Variants in FURIN observed in about 807,000 individuals in gnomAD.
The protein encoded by FURIN is FES upstream region.
In FURIN, 18 loss-of-function variants were observed where a neutral mutation model predicts 89.2. The ratio of observed to expected loss-of-function variants is 0.20; its 90% CI spans 0.14 to 0.30. The LOEUF (loss-of-function observed/expected upper bound fraction) is 0.30. FURIN is among the 10% of genes least tolerant of loss of function. The probability of loss-of-function intolerance (pLI) is 1.00; values close to 1 mark genes in which losing one functional copy is unlikely to be tolerated. For synonymous variants in FURIN, 508 were observed against 466.4 expected (o/e 1.09, Z -1.15); for missense variants, 879 against 1,100.5 (o/e 0.80, Z 2.85).
At position 90,876,863 on chromosome 15, in the gene FURIN, G is replaced by A. The variant is rs1405567108; in HGVS notation, c.373-33G>A. ...CTCCTAGCCTCACAAAACCAATCAT[G>A]TCTCATAAGTGATGGGGTGGGTGTC... is the stretch of plus-strand genomic sequence containing the variant. On this transcript the variant is annotated intron_variant, in intron 4 of 15. Coordinates refer to ENST00000268171, the MANE Select transcript of FURIN (RefSeq NM_002569.4). The surrounding 1 kb of genome is among the most constrained non-coding windows in gnomAD (Gnocchi z 5.0). 6.2e-7 allele frequency: 1 copy of A among 1,611,168 alleles called. No homozygotes were observed. The highest frequency in any genetic ancestry group is 8.5e-7 in the Non-Finnish European group (1 of 1,177,706).
chr15:90,875,778 C>T lies in FURIN; in HGVS notation c.38C>T (p.Ala13Val). The change falls in exon 2 of 16, where the codon GCA (alanine) becomes GTA (valine). Residue 13 changes from alanine to valine, a missense_variant. Ala to Val is a moderately conservative substitution (Grantham distance 64, BLOSUM62 0). Coordinates refer to ENST00000268171, the MANE Select transcript of FURIN (RefSeq NM_002569.4). Reference protein sequence around the residue: ...LRPWLLWVVAATGTLVLLAAD... With the variant: ...LRPWLLWVVAVTGTLVLLAAD... The stretch of plus-strand genomic sequence containing the variant: ...CCCTGGTTGCTATGGGTGGTAGCAG[C>T]AACAGGAACCTTGGTCCTGCTAGCA... 6.4e-7 allele frequency: 1 copy of T among 1,556,106 alleles called. No individual in the cohort carries two copies. The highest frequency in any genetic ancestry group is 2.0e-5 in the Admixed American group (1 of 51,222).
chr15:90,877,341 G>A, intron 6 of FURIN, 130 bp downstream of exon 6: 1 of 955,276 alleles, frequency 1.0e-6, no homozygotes. Flanking sequence ...CCCACCTGGG[G>A]CTCTGAGGGA....
At position 90,876,464 on chromosome 15, in the gene FURIN, A is replaced by G. The variant is rs1432770237; in HGVS notation, c.279A>G (p.Val93=). The change falls in exon 4 of 16, where the codon GTA becomes GTG. Residue 93 remains valine, a splice_region_variant and synonymous_variant. Transcript: ENST00000268171. The surrounding 1 kb of genome is among the most constrained non-coding windows in gnomAD (Gnocchi z 5.0). ...ATCTCTCCCTCACTCCCCCACAGGTACAGTGGCTGGAACAGCAGGTGGCAA... is the reference window on the plus strand; with the variant it reads ...ATCTCTCCCTCACTCCCCCACAGGTGCAGTGGCTGGAACAGCAGGTGGCAA... ...RHSRLQREPQ[V]QWLEQQVAKR... is the part of the protein sequence containing the mutation. 1.2e-6 allele frequency: 2 copies of G among 1,610,062 alleles called. No individual in the cohort carries two copies. The highest frequency in any genetic ancestry group is 1.3e-5 in the African/African-American group (1 of 74,772).
In FURIN at chr15:90,876,518, G is replaced by A; in HGVS notation, c.333G>A (p.Gln111=). The A allele has an allele frequency of 6.2e-7, 1 of 1,614,012 alleles. No individual in the cohort carries two copies. Among genetic ancestry groups the A allele is most frequent in the African/African-American group, 1.3e-5 (1 of 75,038 alleles). Residue 111 remains glutamine (Q), a synonymous_variant, in exon 4 of 16, where the codon CAG becomes CAA. Coordinates refer to ENST00000268171, the MANE Select transcript of FURIN (RefSeq NM_002569.4). The surrounding 1 kb of genome is among the most constrained non-coding windows in gnomAD (Gnocchi z 5.0). Reference sequence around the variant, plus strand: ...GACGGACTAAACGGGACGTGTACCAGGAGCCCACAGACCCCAAGTTTCCTC... The same window carrying A: ...GACGGACTAAACGGGACGTGTACCAAGAGCCCACAGACCCCAAGTTTCCTC... ...AKRRTKRDVY[Q]EPTDPKFPQQ...
Position 90,876,567 on chromosome 15 carries a change from CT to C in FURIN, c.372+12del. 1.3e-6 allele frequency: 2 copies of C among 1,565,024 alleles called. No individual in the cohort carries two copies. Among genetic ancestry groups the C allele is most frequent in the Non-Finnish European group, 1.8e-6 (2 of 1,135,454 alleles). ...TCAGCAGTGGTACCTGGTACGTGGC[CT>C]TCTTCGCTGCTGGGACCTCCTCCCC... On this transcript the variant is annotated intron_variant, in intron 4 of 15. Coordinates refer to ENST00000268171, the MANE Select transcript of FURIN (RefSeq NM_002569.4). This position sits in a 1 kb window ranked among gnomAD's most constrained non-coding sequence, Gnocchi z 5.0.
At chr15:90,875,385 G>T (rs906100329) in intron 1 of FURIN, among the ~76,000 whole-genome samples, 197 bp from the exon 2 acceptor site, 1 of 152,154 alleles carries the variant, frequency 6.6e-6, no homozygotes, top group African/African-American at 2.4e-5. Context: ...GGGGGGGATT[G>T]TGAGGGCATC....
intron 1 of FURIN, among the ~76,000 whole-genome samples, chr15:90,872,181 G>C (rs892868291): frequency 6.6e-6 from 1 of 151,610 alleles, no homozygotes; most frequent in South Asian, 2.1e-4. Context: ...CACCTGTGCG[G>C]CCAGGACTCG....
At position 90,878,329 on chromosome 15, in the gene FURIN, C is replaced by T. The variant is rs376733777; in HGVS notation, c.840+25C>T. ...GGTGAGGTGGGGATCTGTCCAGCCC[C>T]TGCGGGCAGGTTGGGTGCTGTCTTC... On this transcript the variant is annotated intron_variant, in intron 8 of 15. Transcript: ENST00000268171. 9.8e-4 allele frequency: 1,515 copies of T among 1,545,366 alleles called. 9 individuals are homozygous for T. The highest frequency in any genetic ancestry group is 8.1e-3 in the South Asian group (662 of 81,762).
chr15:90,877,715 T>C, intron 7 of FURIN, 100 bp downstream of exon 7: 1 of 795,002 alleles, frequency 1.3e-6, no homozygotes, highest in South Asian at 1.8e-5. Context: ...TTTCCCACTG[T>C]GGATCCTTTG....
At position 90,879,859 on chromosome 15, in the gene FURIN, C is replaced by A. The variant is rs1208182915; in HGVS notation, c.1259-8C>A. The A allele has an allele frequency of 1.2e-6, 2 of 1,611,786 alleles. No individual in the cohort carries two copies. The highest frequency in any genetic ancestry group is 1.1e-5 in the South Asian group (1 of 91,056). On this transcript the variant is annotated splice_region_variant and splice_polypyrimidine_tract_variant and intron_variant, in intron 11 of 15. Transcript: ENST00000268171. ...TGACAGCTGACCCTACCTTCCCTGT[C>A]CCCACAGTGAGCCACTCATATGGCT...
Position 90,878,991 on chromosome 15 carries a change from G to C in FURIN, c.1053+15G>C, listed in dbSNP as rs779701983. The C allele has an allele frequency of 1.3e-6, 2 of 1,514,280 alleles. No individual in the cohort carries two copies. Among genetic ancestry groups the C allele is most frequent in the African/African-American group, 2.8e-5 (2 of 72,536 alleles). 93.8% of individuals were successfully genotyped at this position (1,514,280 alleles called of 1,614,324 possible). A position where few individuals can be genotyped will look rare whatever the true frequency, so the allele number is the denominator to read the frequency against. ...AGAAGCAGATCGTGAGTCTTACCTGGGGGTGGGGGCTGGGGAGATGGGGCT... is the reference window on the plus strand; with the variant it reads ...AGAAGCAGATCGTGAGTCTTACCTGCGGGTGGGGGCTGGGGAGATGGGGCT... On this transcript the variant is annotated intron_variant, in intron 9 of 15. Coordinates refer to ENST00000268171, the MANE Select transcript of FURIN (RefSeq NM_002569.4).
intron 1 of FURIN, among the ~76,000 whole-genome samples, chr15:90,874,548 G>A (rs1459656078): frequency 6.6e-6 from 1 of 152,228 alleles, no homozygotes; most frequent in East Asian, 1.9e-4. Context: ...TCAGGACATG[G>A]CCCCTAAAAG....
In FURIN at chr15:90,880,101, G is replaced by A. The variant is rs768826404; in HGVS notation, c.1384G>A (p.Gly462Arg). 34 of 1,604,584 alleles carry A rather than the reference G, an allele frequency of 2.1e-5. No individual in the cohort carries two copies. The South Asian group carries it at 2.2e-4, about 10-fold the overall frequency. Reference protein sequence around the residue: ...IDILTEPKDIGKRLEVRKTVT... With the variant: ...IDILTEPKDIRKRLEVRKTVT... The stretch of plus-strand genomic sequence containing the variant: ...TGGTGCTCTCCTGCACAGAGACATC[G>A]GGAAACGGCTCGAGGTGCGGAAGAC... The change falls in exon 13 of 16, where the codon GGG becomes AGG. Residue 462 changes from glycine (G) to arginine (R), a missense_variant. Physicochemically the swap from Gly to Arg is moderately radical, Grantham distance 125. This residue lies in a region of FURIN where 457 missense variants were observed against 490.7 expected (regional missense o/e 0.93). Transcript: ENST00000268171.
At position 90,881,918 on chromosome 15, in the gene FURIN, G is replaced by T; in HGVS notation, c.*40G>T. ...ACCCCCTCAAGCCAATCCCCTCCTT[G>T]GGCACTTTTTAATTCACCAAAGTAT... On this transcript the variant is annotated 3_prime_UTR_variant, in exon 16 of 16. Transcript: ENST00000268171. This position sits in a 1 kb window ranked among gnomAD's most constrained non-coding sequence, Gnocchi z 4.3. 1 of 1,393,156 alleles carries T rather than the reference G, an allele frequency of 7.2e-7. No homozygotes were observed. Among genetic ancestry groups the T allele is most frequent in the South Asian group, 1.2e-5 (1 of 81,216 alleles). 86.3% of individuals were successfully genotyped at this position (1,393,156 alleles called of 1,614,324 possible).
chr15:90,878,287 T>G lies in FURIN; in HGVS notation c.823T>G (p.Phe275Val), dbSNP rs563066377. 4.4e-6 allele frequency: 7 copies of G among 1,599,602 alleles called. No individual in the cohort carries two copies. The South Asian group carries it at 5.6e-5, about 13-fold the overall frequency. Residue 275 changes from phenylalanine to valine, a missense_variant, in exon 8 of 16, where the codon TTC (phenylalanine) becomes GTC (valine). Physicochemically the swap from Phe to Val is conservative, Grantham distance 50. Transcript: ENST00000268171. ...AGCCCGCCTCGCCGAGGAGGCCTTC[T>G]TCCGTGGGGTTAGCCAGGTGAGGTG... ...GPARLAEEAF[F>V]RGVSQGRGGL...
rs1377072879 is a variant in FURIN at position 90,881,517 on chromosome 15, G to C, written c.2024G>C (p.Cys675Ser). Reference sequence around the variant, plus strand: ...TCCTTGGACCCTGTGGAGCAGACTTGCTCCCGGCAAAGCCAGAGCAGCCGA... The same window carrying C: ...TCCTTGGACCCTGTGGAGCAGACTTCCTCCCGGCAAAGCCAGAGCAGCCGA... ...HASLDPVEQTCSRQSQSSRES... is the reference protein window; with the variant it reads ...HASLDPVEQTSSRQSQSSRES... Residue 675 changes from cysteine (C) to serine (S), a missense_variant, in exon 16 of 16, where the codon TGC becomes TCC. Coordinates refer to ENST00000268171, the MANE Select transcript of FURIN (RefSeq NM_002569.4). The surrounding 1 kb of genome is among the most constrained non-coding windows in gnomAD (Gnocchi z 4.3). 1 of 1,611,742 alleles carries C rather than the reference G, an allele frequency of 6.2e-7. No individual in the cohort carries two copies. The highest frequency in any genetic ancestry group is 1.7e-5 in the Admixed American group (1 of 59,986).
Position 90,881,098 on chromosome 15 carries a change from C to T in FURIN, c.1792+58C>T. On this transcript the variant is annotated intron_variant, in intron 15 of 15. Transcript: ENST00000268171. This position sits in a 1 kb window ranked among gnomAD's most constrained non-coding sequence, Gnocchi z 4.3. ...CTGAGTCTGGGGGTAAGGCGGGTGC[C>T]TGTCCTGAAGCCCAGCTCTAACAGA... 3 of 1,348,972 alleles carry T rather than the reference C, an allele frequency of 2.2e-6. No homozygotes were observed. Among genetic ancestry groups the T allele is most frequent in the South Asian group, 2.3e-5 (2 of 85,674 alleles). 83.6% of individuals were successfully genotyped at this position (1,348,972 alleles called of 1,614,324 possible).
Position 90,876,018 on chromosome 15 carries a change from G to T in FURIN, c.177+101G>T, listed in dbSNP as rs1596075761. ...GCCTTGTTTGCTCAGGGGCATCTGG[G>T]TAGCCGGCATGTTCTGGGTGGCCAT... On this transcript the variant is annotated intron_variant, in intron 2 of 15. Coordinates refer to ENST00000268171, the MANE Select transcript of FURIN (RefSeq NM_002569.4). This position sits in a 1 kb window ranked among gnomAD's most constrained non-coding sequence, Gnocchi z 5.0. 1.0e-5 allele frequency: 11 copies of T among 1,076,326 alleles called. No homozygotes were observed. In the East Asian group the frequency reaches 2.3e-4, roughly 23 times the overall value. The allele number at this position is 1,076,326 out of a possible 1,614,324, so 66.7% of individuals were successfully genotyped here.
intron 1 of FURIN, 113 bp downstream of exon 1, chr15:90,868,824 G>T (rs932341001): frequency 1.3e-5 from 2 of 152,202 alleles, no homozygotes; most frequent in South Asian, 2.1e-4. Context: ...AACAAAGATC[G>T]CAAATGTGAC....
Sources: allele counts gnomAD v4.1 joint callset (sites outside exome capture counted in the v4.1 genomes callset), GRCh38; gene constraint gnomAD v4.1.1; regional missense constraint gnomAD v4.1.1; non-coding constraint Gnocchi (gnomAD v3.1); transcripts MANE v1.5; gene names NCBI Gene and HGNC (gene_info 2026-07-23, HGNC 2026-07-21).